RXRA: variants seen among roughly 807,000 people sequenced by gnomAD.
The protein encoded by RXRA is retinoic acid receptor RXR-alpha.
Under a neutral mutation model 44.5 loss-of-function variants are expected in RXRA, and 5 were observed. That is an observed-to-expected ratio of 0.11 (90% confidence interval 0.06 to 0.24). The LOEUF (loss-of-function observed/expected upper bound fraction) is 0.24. Ranked by LOEUF, RXRA falls within the 10% of genes least tolerant of loss-of-function variation. RXRA has a pLI of 1.00. For missense variants in RXRA, 412 were observed against 646.5 expected (o/e 0.64, Z 3.93); for synonymous variants, 291 against 271.4 (o/e 1.07, Z -0.71).
chr9:134,434,191 C>G lies in RXRA; in HGVS notation c.1225C>G (p.Pro409Ala). Residue 409 changes from proline (P) to alanine (A), a missense_variant, in exon 9 of 10, where the codon CCA becomes GCA. Around this residue, in one of 4 missense-constraint regions of RXRA, gnomAD observed 141 missense variants for 270.8 expected, o/e 0.52. Transcript: ENST00000481739. Reference sequence around the variant, plus strand: ...GGAGGCCTACTGCAAGCACAAGTACCCAGAGCAGCCGGGAAGGTGGGTCCC... The same window carrying G: ...GGAGGCCTACTGCAAGCACAAGTACGCAGAGCAGCCGGGAAGGTGGGTCCC... The part of the protein sequence containing the change: ...SLEAYCKHKY[P>A]EQPGRFAKLL... The G allele has an allele frequency of 6.2e-7, 1 of 1,613,416 alleles. No homozygotes were observed. Among genetic ancestry groups the G allele is most frequent in the Non-Finnish European group, 8.5e-7 (1 of 1,179,582 alleles).
At chr9:134,377,917 C>T (rs972973576) in intron 1 of RXRA, among the ~76,000 whole-genome samples, 1 of 152,220 alleles carries the variant, frequency 6.6e-6, no homozygotes, top group Non-Finnish European at 1.5e-5. Context: ...TGCTCTGCCC[C>T]CCTTGGAGGG....
chr9:134,401,509 G>T, intron 1 of RXRA, 123 bp from the exon 2 acceptor site: 1 of 1,501,334 alleles, frequency 6.7e-7, no homozygotes. Flanking sequence ...GACCCACGGG[G>T]CCACCTTGAG....
At chr9:134,413,866 C>A (rs1045845359) in intron 4 of RXRA, among the ~76,000 whole-genome samples, 19 of 152,158 alleles carry the variant, frequency 1.2e-4, no homozygotes, top group African/African-American at 4.6e-4. Flanking sequence ...GGGCAGGAGT[C>A]TCAGGTCTTC....
intron 1 of RXRA, among the ~76,000 whole-genome samples, chr9:134,360,270 C>T (rs1255789241): frequency 6.6e-6 from 1 of 152,164 alleles, no homozygotes; most frequent in Non-Finnish European, 1.5e-5. Context: ...CTGCCTGAGC[C>T]GGTGACAGGC....
At chr9:134,348,936 G>A (rs1554749134) in intron 1 of RXRA, among the ~76,000 whole-genome samples, 3 of 152,230 alleles carry the variant, frequency 2.0e-5, no homozygotes, top group Admixed American at 6.5e-5. Flanking sequence ...CACCAGCTCT[G>A]TACCACCTGA....
chr9:134,426,439 C>A lies in RXRA; in HGVS notation c.911-2669C>A, dbSNP rs1479282835. 2 of 985,284 alleles carry A rather than the reference C, an allele frequency of 2.0e-6. No individual in the cohort carries two copies. Among genetic ancestry groups the A allele is most frequent in the Non-Finnish European group, 2.4e-6 (2 of 829,924 alleles). 61.0% of individuals were successfully genotyped at this position (985,284 alleles called of 1,614,324 possible). ...TGTGGGGCAGGAGAGGAGAAATAAC[C>A]GAGTGAGGACATCGGGGTGGAGGGA... On this transcript the variant is annotated intron_variant, in intron 6 of 9. Transcript: ENST00000481739. This position sits in a 1 kb window ranked among gnomAD's most constrained non-coding sequence, Gnocchi z 4.6.
At chr9:134,408,046 T>G in intron 2 of RXRA, 103 bp from the exon 3 acceptor site, 2 of 857,768 alleles carry the variant, frequency 2.3e-6, no homozygotes, top group East Asian at 2.9e-5. Flanking sequence ...TGTCTGTGTG[T>G]GAAGTTGGGG....
chr9:134,409,687 T>A (rs1230705697), intron 4 of RXRA, among the ~76,000 whole-genome samples: 1 of 152,248 alleles, frequency 6.6e-6, no homozygotes, highest in Non-Finnish European at 1.5e-5. Context: ...CAGTCCTGGC[T>A]GGCTGTAGTC....
intron 1 of RXRA, among the ~76,000 whole-genome samples, chr9:134,389,330 C>T (rs144079290): frequency 7.2e-4 from 110 of 152,238 alleles, no homozygotes; most frequent in Non-Finnish European, 1.3e-3. Flanking sequence ...GAGAAGTGGA[C>T]GTTGGTGAGG....
In RXRA at chr9:134,375,397, A is replaced by AG. The variant is rs1830543348; in HGVS notation, c.29-26229dup. ...GAATTGCAGTGGCTTTTGGGGTCTGAGGGGGGATGCTCTTCATGGAGGGCA... is the reference window on the plus strand; with the variant it reads ...GAATTGCAGTGGCTTTTGGGGTCTGAGGGGGGGATGCTCTTCATGGAGGGCA... On this transcript the variant is annotated intron_variant, in intron 1 of 9. Coordinates refer to ENST00000481739, the MANE Select transcript of RXRA (RefSeq NM_002957.6). 2.6e-5 allele frequency among the ~76,000 whole-genome samples: 4 copies of AG among 152,048 alleles called. No homozygotes were observed. The South Asian group carries it at 8.3e-4, about 32-fold the overall frequency.
chr9:134,362,722 C>T (rs1448684169), intron 1 of RXRA, among the ~76,000 whole-genome samples: 1 of 152,226 alleles, frequency 6.6e-6, no homozygotes, highest in African/African-American at 2.4e-5. Flanking sequence ...CAGCAAGGCC[C>T]CCACGAGTGT....
chr9:134,337,832 T>A (rs1290953997), intron 1 of RXRA, among the ~76,000 whole-genome samples: 8 of 151,968 alleles, frequency 5.3e-5, no homozygotes, highest in Admixed American at 3.3e-4. Flanking sequence ...CTCTTGGATG[T>A]CCTCGGAGCA....
intron 4 of RXRA, among the ~76,000 whole-genome samples, chr9:134,415,279 G>T (rs967361884): frequency 2.4e-4 from 36 of 152,302 alleles, no homozygotes; most frequent in African/African-American, 8.7e-4. Context: ...GGGAATCAGG[G>T]CAGGACTGGG....
chr9:134,330,377 G>A (rs1306237314), intron 1 of RXRA, among the ~76,000 whole-genome samples: 1 of 152,240 alleles, frequency 6.6e-6, no homozygotes, highest in African/African-American at 2.4e-5. Context: ...TGCTGGGCTA[G>A]GGATGAGGCT....
chr9:134,422,073 C>T (rs780342897), intron 6 of RXRA: 4 of 1,377,068 alleles, frequency 2.9e-6, no homozygotes. Flanking sequence ...CCAGGACGCT[C>T]CCCTCTCCCA....
Position 134,417,091 on chromosome 9 carries a change from G to A in RXRA, c.611-67G>A. 2 of 1,527,936 alleles carry A rather than the reference G, an allele frequency of 1.3e-6. No homozygotes were observed. The highest frequency in any genetic ancestry group is 3.8e-5 in the Admixed American group (2 of 52,226). 94.6% of individuals were successfully genotyped at this position (1,527,936 alleles called of 1,614,324 possible). On this transcript the variant is annotated intron_variant, in intron 4 of 9. Coordinates refer to ENST00000481739, the MANE Select transcript of RXRA (RefSeq NM_002957.6). This position sits in a 1 kb window ranked among gnomAD's most constrained non-coding sequence, Gnocchi z 6.1. ...CTGGGAGCTGGCACCACCCGGCCAG[G>A]ACAGCCTTCCCTGGGAGCCACTGGC...
At chr9:134,410,813 C>T (rs953424977) in intron 4 of RXRA, among the ~76,000 whole-genome samples, 1 of 152,338 alleles carries the variant, frequency 6.6e-6, no homozygotes, top group African/African-American at 2.4e-5. Flanking sequence ...CTGGGGGCTT[C>T]AGGGAGACCC....
chr9:134,423,308 T>C, intron 6 of RXRA: 1 of 985,374 alleles, frequency 1.0e-6, no homozygotes, highest in African/African-American at 1.7e-5. Flanking sequence ...GAAGCCAAGC[T>C]CCCTTAGGGC....
intron 1 of RXRA, among the ~76,000 whole-genome samples, chr9:134,373,348 C>T (rs932775418): frequency 5.9e-5 from 9 of 152,144 alleles, no homozygotes; most frequent in Non-Finnish European, 1.2e-4. Context: ...GGTCCACGCC[C>T]GACTGTCTTT....
Sources: allele counts gnomAD v4.1 joint callset (sites outside exome capture counted in the v4.1 genomes callset), GRCh38; gene constraint gnomAD v4.1.1; regional missense constraint gnomAD v4.1.1; non-coding constraint Gnocchi (gnomAD v3.1); transcripts MANE v1.5; gene names NCBI Gene and HGNC (gene_info 2026-07-23, HGNC 2026-07-21).